Variants in BST1 observed in about 807,000 individuals in gnomAD.
BST1 encodes ADP-ribosyl cyclase/cyclic ADP-ribose hydrolase 2.
In BST1, 49 loss-of-function variants were observed where a neutral mutation model predicts 40.6. The observed-to-expected ratio is 1.21, with a 90% CI of 0.96 to 1.53. BST1 has a LOEUF of 1.53. BST1 is among the 40% of genes most tolerant of loss of function. BST1 has a pLI of 0.00. For synonymous variants in BST1, 157 were observed against 159.3 expected (o/e 0.99, Z 0.11); for missense variants, 423 against 395.9 (o/e 1.07, Z -0.58).
At chr4:15,763,762 A>G in the BST1 span, among the ~76,000 whole-genome samples, 1 of 152,050 alleles carries the variant, frequency 6.6e-6, no homozygotes, top group Non-Finnish European at 1.5e-5. Flanking sequence ...CTATTAAGCC[A>G]TGAAAAGACA....
chr4:15,759,301 G>A, the BST1 span, among the ~76,000 whole-genome samples: 1 of 151,956 alleles, frequency 6.6e-6, no homozygotes, highest in Non-Finnish European at 1.5e-5. Flanking sequence ...CTGGTAGAAC[G>A]CCCAGCAGTG....
At chr4:15,758,504 A>C in the BST1 span, among the ~76,000 whole-genome samples, 2 of 148,124 alleles carry the variant, frequency 1.4e-5, no homozygotes, top group African/African-American at 4.8e-5. Context: ...GTGGAATACT[A>C]TGCAGCCATA....
chr4:15,728,642 CCTTT>C (rs1310427209), intron 8 of BST1, among the ~76,000 whole-genome samples: 2 of 140,038 alleles, frequency 1.4e-5, no homozygotes, highest in African/African-American at 2.7e-5. Context: ...TTCCTTCCTT[CCTTT>C]TTTTTTTTTT....
At chr4:15,707,728 GCATTTATTTCA>G in intron 3 of BST1, 82 bp downstream of exon 3, 1 of 1,525,102 alleles carries the variant, frequency 6.6e-7, no homozygotes, top group Non-Finnish European at 8.9e-7. Context: ...GCTTTCATAT[GCATTTATTTCA>G]CTTGATCCTC....
the BST1 span, among the ~76,000 whole-genome samples, chr4:15,759,276 C>T: frequency 6.6e-6 from 1 of 151,956 alleles, no homozygotes; most frequent in South Asian, 2.1e-4. Context: ...GATGGATGTG[C>T]TGCTCAAGGG....
Position 15,707,643 on chromosome 4 carries a change from T to C in BST1, c.448T>C (p.Ser150Pro), listed in dbSNP as rs749934523. 1 of 1,614,020 alleles carries C rather than the reference T, an allele frequency of 6.2e-7. No homozygotes were observed. The highest frequency in any genetic ancestry group is 1.3e-5 in the African/African-American group (1 of 75,006). The change falls in exon 3 of 9, where the codon TCT becomes CCT. Residue 150 changes from serine (S) to proline (P), a missense_variant. Coordinates refer to ENST00000265016, the MANE Select transcript of BST1 (RefSeq NM_004334.3). ...GAGCTGGTGTCGACAGAAAAATGAC[T>C]CTGGTAAGACTCCTGCACAAATCAC... ...FLSWCRQKND[S>P]GLDYQSCPTS...
chr4:15,705,019 G>T, intron 1 of BST1: 1 of 736,350 alleles, frequency 1.4e-6, no homozygotes. Flanking sequence ...AAACTAGCAT[G>T]GACCTCAAGA....
At chr4:15,713,919 G>T (rs1259612021) in intron 4 of BST1, among the ~76,000 whole-genome samples, 1 of 152,004 alleles carries the variant, frequency 6.6e-6, no homozygotes, top group Admixed American at 6.6e-5. Context: ...AGCCAGACTG[G>T]TCGCAAACTC....
At chr4:15,724,391 A>G (rs935995180) in intron 8 of BST1, among the ~76,000 whole-genome samples, 4 of 152,218 alleles carry the variant, frequency 2.6e-5, no homozygotes, top group African/African-American at 4.8e-5. Context: ...TAACCAGTAC[A>G]TTAAAGAGAG....
intron 2 of BST1, among the ~76,000 whole-genome samples, chr4:15,706,977 T>C (rs1243823465): frequency 1.3e-5 from 2 of 152,194 alleles, no homozygotes; most frequent in East Asian, 3.8e-4. Flanking sequence ...ATTTGTGTTA[T>C]TGTTATATAA....
At chr4:15,725,058 A>G (rs73123607) in intron 8 of BST1, among the ~76,000 whole-genome samples, 20,489 of 152,170 alleles carry the variant, frequency 0.13, 2,597 homozygotes, top group East Asian at 0.52. Flanking sequence ...ACCAGCCCTG[A>G]AGAGTTACTG....
the BST1 span, among the ~76,000 whole-genome samples, chr4:15,760,682 A>G: frequency 6.6e-6 from 1 of 150,520 alleles, no homozygotes; most frequent in East Asian, 1.9e-4. Flanking sequence ...TATATACTAT[A>G]TATTTATTTA....
intron 1 of BST1, chr4:15,705,109 A>C: frequency 3.2e-6 from 2 of 623,166 alleles, no homozygotes; most frequent in Non-Finnish European, 2.9e-6. Flanking sequence ...CTAACACTAC[A>C]CATCCTGCTG....
chr4:15,715,482 G>A, intron 5 of BST1, 121 bp downstream of exon 5: 2 of 1,098,376 alleles, frequency 1.8e-6, no homozygotes, highest in African/African-American at 1.6e-5. Flanking sequence ...TGTAAATTCA[G>A]GTAAAGCAAA....
At chr4:15,728,827 G>A (rs1721247652) in intron 8 of BST1, among the ~76,000 whole-genome samples, 1 of 151,836 alleles carries the variant, frequency 6.6e-6, no homozygotes, top group Non-Finnish European at 1.5e-5. Flanking sequence ...TGTATTTTTA[G>A]TGGAGATGAA....
At chr4:15,723,496 CCTTG>C in intron 8 of BST1, 1 of 935,682 alleles carries the variant, frequency 1.1e-6, no homozygotes, top group Non-Finnish European at 1.3e-6. Flanking sequence ...GATCCGCCTT[CCTTG>C]GCCTCCTAAA....
chr4:15,707,417 A>T (rs1719938442), intron 2 of BST1, 94 bp from the exon 3 acceptor site: 1 of 1,470,258 alleles, frequency 6.8e-7, no homozygotes, highest in Non-Finnish European at 9.5e-7. Flanking sequence ...GTTGAATGAG[A>T]ACTGGATTGC....
intron 7 of BST1, among the ~76,000 whole-genome samples, chr4:15,721,541 C>A (rs946745851): frequency 6.6e-6 from 1 of 152,014 alleles, no homozygotes; most frequent in Non-Finnish European, 1.5e-5. Context: ...TCATTCTGAG[C>A]AAACTATCCC....
chr4:15,765,830 G>C, the BST1 span, among the ~76,000 whole-genome samples: 1 of 151,998 alleles, frequency 6.6e-6, no homozygotes, highest in South Asian at 2.1e-4. Flanking sequence ...TCCCTGCTGA[G>C]TTTGTTTCTT....
Sources: gnomAD v4.1 joint callset for allele counts (sites outside exome capture counted in the v4.1 genomes callset) on GRCh38, gnomAD v4.1.1 for gene constraint, MANE v1.5 for transcripts, NCBI Gene and HGNC (gene_info 2026-07-23, HGNC 2026-07-21) for gene names.